SCARF2: variants seen among roughly 807,000 people sequenced by gnomAD.
SCARF2 encodes scavenger receptor class F member 2, also known as scavenger receptor expressed by endothelial cells 2 protein.
A neutral mutation model predicts 73.4 loss-of-function variants in SCARF2; 39 were observed. The ratio of observed to expected loss-of-function variants is 0.53; its 90% CI spans 0.41 to 0.69. The LOEUF is 0.69. Ranked by LOEUF, SCARF2 falls within the 30% of genes least tolerant of loss-of-function variation. SCARF2 has a pLI of 0.00. For synonymous variants in SCARF2, 605 were observed against 590.0 expected, an observed-to-expected ratio of 1.03 and a Z score of -0.37; for missense variants, 1,148 against 1,303.5, an observed-to-expected ratio of 0.88 and a Z score of 1.84.
chr22:20,429,170 C>A lies in SCARF2; in HGVS notation c.1540+55G>T. On this transcript the variant is annotated intron_variant, in intron 9 of 10. Transcript: ENST00000622235. The surrounding 1 kb of genome is among the most constrained non-coding windows in gnomAD (Gnocchi z 5.2). ...GGACCCCCTCACACCCATTTCCCAG[C>A]AGCTTCCTGCGTCGAGAGGTGTTTC... 6.2e-7 allele frequency: 1 copy of A among 1,611,620 alleles called. No homozygotes were observed. The highest frequency in any genetic ancestry group is 8.5e-7 in the Non-Finnish European group (1 of 1,178,104).
intron 9 of SCARF2, among the ~76,000 whole-genome samples, chr22:20,428,297 C>G (rs889465755): frequency 7.7e-6 from 1 of 129,694 alleles, no homozygotes; most frequent in African/African-American, 2.9e-5. Context: ...CTCTTCTCTT[C>G]TCTTTTTTCT....
At position 20,430,577 on chromosome 22, in the gene SCARF2, G is replaced by T. The variant is rs895289584; in HGVS notation, c.1074-20C>A. On this transcript the variant is annotated intron_variant, in intron 5 of 10. Transcript: ENST00000622235. The stretch of plus-strand genomic sequence containing the variant: ...TCGCACCTTGGAAAGAGGGGAGGAG[G>T]CGTCAGCAGAAATGGAGGCAAACGG... 1.9e-6 allele frequency: 3 copies of T among 1,611,860 alleles called. No homozygotes were observed. In the African/African-American group the frequency reaches 4.0e-5, roughly 22 times the overall value.
intron 1 of SCARF2, among the ~76,000 whole-genome samples, chr22:20,436,451 G>T (rs1020030561): frequency 3.9e-5 from 6 of 152,042 alleles, no homozygotes; most frequent in Non-Finnish European, 8.8e-5. Context: ...CGGCGGCATC[G>T]ATGCGAAGCA....
chr22:20,426,819 C>G (rs1199430246), intron 10 of SCARF2, among the ~76,000 whole-genome samples: 1 of 151,976 alleles, frequency 6.6e-6, no homozygotes, highest in African/African-American at 2.4e-5. Flanking sequence ...CCCAGCTACT[C>G]GGGAGGCTGA....
In SCARF2 at chr22:20,429,418, C is replaced by A. The variant is rs1271420618; in HGVS notation, c.1425-78G>T. The A allele has an allele frequency of 1.3e-6, 2 of 1,557,158 alleles. No homozygotes were observed. The highest frequency in any genetic ancestry group is 1.4e-5 in the African/African-American group (1 of 73,354). ...CGATTAGATCTCGGCCGGAGCCAAG[C>A]ACAGAAGGGGCGGGGCCACGTCCGG... is the stretch of plus-strand genomic sequence containing the variant. On this transcript the variant is annotated intron_variant, in intron 8 of 10. Coordinates refer to ENST00000622235, the MANE Select transcript of SCARF2 (RefSeq NM_182895.5). The surrounding 1 kb of genome is among the most constrained non-coding windows in gnomAD (Gnocchi z 5.2).
rs762050969 is a variant in SCARF2 at position 20,431,167 on chromosome 22, C to A, written c.705G>T (p.Thr235=). 5 of 1,565,168 alleles carry A rather than the reference C, an allele frequency of 3.2e-6. No homozygotes were observed. In the South Asian group the frequency reaches 3.5e-5, roughly 11 times the overall value. ...AGTAGCGATCGCAGCGCGCGCCGAA[C>A]GTACGCTCGCGGCACTGACAGCGGC... ...QSGRCQCRER[T]FGARCDRYCQ... The change falls in exon 4 of 11, where the codon ACG becomes ACT. Residue 235 remains threonine, a synonymous_variant. Transcript: ENST00000622235.
In SCARF2 at chr22:20,425,596, TGG is replaced by T; in HGVS notation, c.2378_2379del (p.Pro793GlnfsTer32). 7.5e-7 allele frequency: 1 copy of T among 1,336,882 alleles called. No individual in the cohort carries two copies. The allele number at this position is 1,336,882 out of a possible 1,614,324, so 82.8% of individuals were successfully genotyped here. On this transcript the variant is annotated frameshift_variant, in exon 11 of 11. Transcript: ENST00000622235. LOFTEE classifies it high-confidence loss of function. The surrounding 1 kb of genome is among the most constrained non-coding windows in gnomAD (Gnocchi z 4.6). ...RAEVALGAQG[P>X]REKPAPPQKA... is the part of the protein sequence containing the mutation. ...TTCTGTGGGGGCGCCGGCTTTTCCC[TGG>T]GGCCCTGCGCGCCCAGGGCCACCTC...
In SCARF2 at chr22:20,429,670, G is replaced by A; in HGVS notation, c.1307-17C>T. 3.1e-6 allele frequency: 5 copies of A among 1,614,020 alleles called. No homozygotes were observed. Among genetic ancestry groups the A allele is most frequent in the Non-Finnish European group, 4.2e-6 (5 of 1,179,946 alleles). On this transcript the variant is annotated splice_polypyrimidine_tract_variant and intron_variant, in intron 7 of 10. Transcript: ENST00000622235. The surrounding 1 kb of genome is among the most constrained non-coding windows in gnomAD (Gnocchi z 5.2). ...GGTTGGTTTCTGTAGGGGGTTATGG[G>A]GTCAGCGCGGTTTCTGGCACCCCCT...
In SCARF2 at chr22:20,429,650, G is replaced by C; in HGVS notation, c.1310C>G (p.Thr437Ser). The C allele has an allele frequency of 1.9e-6, 3 of 1,614,000 alleles. No homozygotes were observed. Among genetic ancestry groups the C allele is most frequent in the Non-Finnish European group, 1.7e-6 (2 of 1,179,946 alleles). ...GCCCATCACGCCCTTGCGCTGGTTGGTTTCTGTAGGGGGTTATGGGGTCAG... is the reference window on the plus strand; with the variant it reads ...GCCCATCACGCCCTTGCGCTGGTTGCTTTCTGTAGGGGGTTATGGGGTCAG... ...DPVTGACHLE[T>S]NQRKGVMGAG... is the part of the protein sequence containing the mutation. Residue 437 changes from threonine to serine, a missense_variant, in exon 8 of 11, where the codon ACC (threonine) becomes AGC (serine). Around this residue, in one of 5 missense-constraint regions of SCARF2, gnomAD observed 437 missense variants for 433.6 expected, o/e 1.01. Coordinates refer to ENST00000622235, the MANE Select transcript of SCARF2 (RefSeq NM_182895.5). This position sits in a 1 kb window ranked among gnomAD's most constrained non-coding sequence, Gnocchi z 5.2.
rs746428087 is a variant in SCARF2, at chr22:20,429,870, C to A, written c.1203-37G>T. ...TAGGGTCAAGGCATGCCACAGCCGC[C>A]CCCCTAGGATGCCCCCTACCCTCAC... On this transcript the variant is annotated intron_variant, in intron 6 of 10. Coordinates refer to ENST00000622235, the MANE Select transcript of SCARF2 (RefSeq NM_182895.5). The surrounding 1 kb of genome is among the most constrained non-coding windows in gnomAD (Gnocchi z 5.2). 39 of 1,600,442 alleles carry A rather than the reference C, an allele frequency of 2.4e-5. No individual in the cohort carries two copies. Among genetic ancestry groups the A allele is most frequent in the Non-Finnish European group, 3.2e-5 (38 of 1,173,916 alleles).
chr22:20,427,261 C>G, intron 10 of SCARF2, 137 bp downstream of exon 10: 2 of 1,082,958 alleles, frequency 1.8e-6, no homozygotes, highest in South Asian at 2.8e-5. Flanking sequence ...GCTCTGTGGG[C>G]AACCCTCAGG....
intron 9 of SCARF2, among the ~76,000 whole-genome samples, chr22:20,428,813 C>T (rs111265663): frequency 0.012 from 1,803 of 152,204 alleles, 22 homozygotes; most frequent in Non-Finnish European, 0.015. Flanking sequence ...CTGGGTACTG[C>T]TGGGGATGTA....
At chr22:20,436,765 T>C (rs2052704769) in intron 1 of SCARF2, among the ~76,000 whole-genome samples, 1 of 152,128 alleles carries the variant, frequency 6.6e-6, no homozygotes, top group Non-Finnish European at 1.5e-5. Flanking sequence ...CTTGTGGCCT[T>C]TGGCCAGCCC....
chr22:20,426,703 G>A (rs540452216), intron 10 of SCARF2, among the ~76,000 whole-genome samples: 3 of 152,214 alleles, frequency 2.0e-5, no homozygotes, highest in South Asian at 2.1e-4. Flanking sequence ...GGGAGGCTGC[G>A]GTCACCTGAG....
chr22:20,429,450 G>C lies in SCARF2; in HGVS notation c.1424+86C>G. On this transcript the variant is annotated intron_variant, in intron 8 of 10. Transcript: ENST00000622235. The surrounding 1 kb of genome is among the most constrained non-coding windows in gnomAD (Gnocchi z 5.2). ...GGGGCGGGGCCACGTCCGGGGCAGG[G>C]GCGCGGAAGGGTTGGATCTGGGTCC... 1 of 1,575,048 alleles carries C rather than the reference G, an allele frequency of 6.3e-7. No homozygotes were observed.
At position 20,431,736 on chromosome 22, in the gene SCARF2, C is replaced by A; in HGVS notation, c.334+9G>T. 6.4e-7 allele frequency: 1 copy of A among 1,564,356 alleles called. No individual in the cohort carries two copies. ...CCACCGACCAATACCGGCCCGACCC[C>A]ACGCTCACTGGTGTCGCAGTTGGCA... On this transcript the variant is annotated intron_variant, in intron 3 of 10. Coordinates refer to ENST00000622235, the MANE Select transcript of SCARF2 (RefSeq NM_182895.5).
chr22:20,434,249 G>A (rs2052675414), intron 1 of SCARF2, among the ~76,000 whole-genome samples: 1 of 152,132 alleles, frequency 6.6e-6, no homozygotes, highest in Non-Finnish European at 1.5e-5. Context: ...AGCTGTGATG[G>A]CACCACTGCT....
rs1046828109 is a variant in SCARF2, at chr22:20,425,293, C to G, written c.*82G>C. 3.3e-6 allele frequency: 4 copies of G among 1,207,818 alleles called. No homozygotes were observed. The highest frequency in any genetic ancestry group is 3.2e-6 in the Non-Finnish European group (3 of 941,048). The allele number at this position is 1,207,818 out of a possible 1,614,324, so 74.8% of individuals were successfully genotyped here. A position where few individuals can be genotyped will look rare whatever the true frequency, so the allele number is the denominator to read the frequency against. ...GGTGCCCGGCCAATAGGAGGCCGCC[C>G]GTGCCCGGTAGCGTGGGAGGTGTGG... On this transcript the variant is annotated 3_prime_UTR_variant, in exon 11 of 11. Coordinates refer to ENST00000622235, the MANE Select transcript of SCARF2 (RefSeq NM_182895.5). The surrounding 1 kb of genome is among the most constrained non-coding windows in gnomAD (Gnocchi z 4.6).
At position 20,431,802 on chromosome 22, in the gene SCARF2, C is replaced by G; in HGVS notation, c.277G>C (p.Val93Leu). Residue 93 changes from valine (V) to leucine (L), a missense_variant, in exon 3 of 11, where the codon GTG becomes CTG. Around this residue, in one of 5 missense-constraint regions of SCARF2, gnomAD observed 372 missense variants for 532.0 expected, o/e 0.70. Transcript: ENST00000622235. ...CGGCAGCGGCACTCGCCAGGCCTCA[C>G]GCACACCTCGTTCTCTGAGCACGTG... Reference protein sequence around the residue: ...NSTCSENEVCVRPGECRCRHG... With the variant: ...NSTCSENEVCLRPGECRCRHG... The G allele has an allele frequency of 1.9e-6, 3 of 1,597,322 alleles. No individual in the cohort carries two copies. Among genetic ancestry groups the G allele is most frequent in the South Asian group, 1.1e-5 (1 of 88,250 alleles).
Sources: allele counts gnomAD v4.1 joint callset (sites outside exome capture counted in the v4.1 genomes callset), GRCh38; gene constraint gnomAD v4.1.1; regional missense constraint gnomAD v4.1.1; non-coding constraint Gnocchi (gnomAD v3.1); transcripts MANE v1.5; gene names NCBI Gene and HGNC (gene_info 2026-07-23, HGNC 2026-07-21).